The following MATR3 variants were observed in gnomAD, a reference collection of about 807,000 sequenced individuals.
MATR3 encodes matrin-3.
A neutral mutation model predicts 85.5 loss-of-function variants in MATR3; 4 were observed. The observed-to-expected ratio is 0.05, with a 90% confidence interval of 0.02 to 0.11. MATR3 has a LOEUF of 0.11. MATR3 is among the 10% of genes least tolerant of loss of function. The pLI, the probability that MATR3 is intolerant of heterozygous loss-of-function variation, is 1.00. For missense variants in MATR3, 685 were observed against 1,016.1 expected (o/e 0.67, Z 4.43); for synonymous variants, 336 against 343.1 (o/e 0.98, Z 0.23).
intron 5 of MATR3, among the ~76,000 whole-genome samples, chr5:139,316,740 G>C (rs1755264859): frequency 6.6e-6 from 1 of 152,062 alleles, no homozygotes; most frequent in Non-Finnish European, 1.5e-5. Context: ...GGTAGAGGCA[G>C]GGGTTTCGCG....
In MATR3 at chr5:139,324,290, GTTTTTTTTTT is replaced by G. The variant is rs767660135; in HGVS notation, c.2149-1139_2149-1130del. On this transcript the variant is annotated intron_variant, in intron 12 of 14. Coordinates refer to ENST00000394805, the MANE Select transcript of MATR3 (RefSeq NM_018834.6). ...GGCAGTCATTCTTCAGAGCATGATT[GTTTTTTTTTT>G]TTTTTTTTTTGGAGACGGAGTCTTG... is the stretch of plus-strand genomic sequence containing the variant. Among the ~76,000 whole-genome samples, 891 of 107,738 alleles carry G rather than the reference GTTTTTTTTTT, an allele frequency of 8.3e-3. 11 individuals carry two copies. The highest frequency in any genetic ancestry group is 0.029 in the African/African-American group (851 of 29,230). 70.7% of individuals were successfully genotyped at this position (107,738 alleles called of 152,430 possible).
intron 2 of MATR3, chr5:139,278,653 G>T (rs1486022179): frequency 2.7e-6 from 1 of 376,934 alleles, no homozygotes; most frequent in East Asian, 6.8e-5. Context: ...CCTGTTAAAG[G>T]GTTTGACAAC....
intron 9 of MATR3, among the ~76,000 whole-genome samples, chr5:139,320,032 G>C (rs540353042): frequency 3.6e-4 from 54 of 148,612 alleles, no homozygotes; most frequent in Non-Finnish European, 7.4e-4. Context: ...GAGTTAGCCA[G>C]TCGCAGTGGC....
intron 14 of MATR3, among the ~76,000 whole-genome samples, chr5:139,328,297 G>A (rs1755962436): frequency 2.6e-5 from 4 of 151,602 alleles, no homozygotes; most frequent in African/African-American, 7.3e-5. Flanking sequence ...TTTTGTTGTT[G>A]TTGTTTTTCT....
Position 139,315,462 on chromosome 5 carries a change from T to C in MATR3, c.975-235T>C, listed in dbSNP as rs1046938326. On this transcript the variant is annotated intron_variant, in intron 3 of 14. Transcript: ENST00000394805. The stretch of plus-strand genomic sequence containing the variant: ...TAACAAATAGAGGAAAAACTTAATT[T>C]CAACATTATCTGCATTTGCAAGCAA... 8 of 462,926 alleles carry C rather than the reference T, an allele frequency of 1.7e-5. No homozygotes were observed. The Admixed American group carries it at 3.1e-4, about 18-fold the overall frequency. 28.7% of individuals were successfully genotyped at this position (462,926 alleles called of 1,614,324 possible).
At chr5:139,314,944 A>T in intron 3 of MATR3, 2 of 514,088 alleles carry the variant, frequency 3.9e-6, no homozygotes, top group Non-Finnish European at 7.0e-6. Context: ...TTTGTTATTT[A>T]ACATTTCTAG....
chr5:139,290,526 C>T (rs997748686), upstream of MATR3, among the ~76,000 whole-genome samples: 7 of 142,836 alleles, frequency 4.9e-5, no homozygotes, highest in South Asian at 2.3e-4. Flanking sequence ...CAGGCTCAGT[C>T]GATCCTTCCA....
At chr5:139,316,319 C>CA (rs1289378632) in intron 5 of MATR3, 131 bp downstream of exon 5, 6 of 691,690 alleles carry the variant, frequency 8.7e-6, no homozygotes, top group Admixed American at 8.6e-5. Context: ...GATCTCGACT[C>CA]ACTGCAACCT....
upstream of MATR3, among the ~76,000 whole-genome samples, chr5:139,291,652 C>T (rs1395988780): frequency 6.6e-6 from 1 of 152,186 alleles, no homozygotes; most frequent in Non-Finnish European, 1.5e-5. Flanking sequence ...GATTCTCCTG[C>T]CTCAGCCTCT....
intron 3 of MATR3, among the ~76,000 whole-genome samples, chr5:139,284,575 T>C (rs1581204152): frequency 6.6e-6 from 1 of 151,744 alleles, no homozygotes; most frequent in South Asian, 2.1e-4. Context: ...GCCACTGCAC[T>C]CCAGCCTGGG....
At chr5:139,277,998 G>A (rs1474990045) in intron 2 of MATR3, among the ~76,000 whole-genome samples, 7 of 152,032 alleles carry the variant, frequency 4.6e-5, no homozygotes, top group Non-Finnish European at 8.8e-5. Context: ...GGGAGGCTGA[G>A]GTGGGAGGAT....
chr5:139,305,490 C>T (rs1263604386), intron 1 of MATR3, among the ~76,000 whole-genome samples: 1 of 152,152 alleles, frequency 6.6e-6, no homozygotes, highest in Non-Finnish European at 1.5e-5. Context: ...AACCCTGATA[C>T]TTCAACATTT....
Position 139,295,900 on chromosome 5 carries a change from A to G in MATR3, c.-178+2095A>G, listed in dbSNP as rs543686422. Among the ~76,000 whole-genome samples, 7 of 151,934 alleles carry G rather than the reference A, an allele frequency of 4.6e-5. No homozygotes were observed. The East Asian group carries it at 7.7e-4, about 17-fold the overall frequency. On this transcript the variant is annotated intron_variant, in intron 1 of 14. Transcript: ENST00000394805. ...GTATGATCAGTGGCTCACGGCTCAC[A>G]GCAGCCTCGACCTCCCAGGCTTAAG...
intron 2 of MATR3, chr5:139,311,133 A>G (rs1754949844): frequency 6.6e-6 from 1 of 152,100 alleles, no homozygotes; most frequent in Non-Finnish European, 1.5e-5. Context: ...AAGCTTTCTC[A>G]GCTTCCTTTC....
At chr5:139,314,568 T>C (rs971560368) in intron 2 of MATR3, 107 bp from the exon 3 acceptor site, 5 of 854,226 alleles carry the variant, frequency 5.9e-6, no homozygotes, top group African/African-American at 3.4e-5. Flanking sequence ...CAGGTGTTTG[T>C]ACAGCCTATG....
intron 14 of MATR3, among the ~76,000 whole-genome samples, chr5:139,328,125 G>A (rs1755952819): frequency 6.7e-6 from 1 of 150,244 alleles, no homozygotes; most frequent in Non-Finnish European, 1.5e-5. Context: ...GCCTCCCAAA[G>A]TGCTGGGATT....
chr5:139,329,976 C>T lies in MATR3; in HGVS notation c.*581C>T, dbSNP rs1432076579. Reference sequence around the variant, plus strand: ...GTAATAAGAAATATTAAGTAATTGGCTTTAGATTTTGTAATTTTTTTCCCT... The same window carrying T: ...GTAATAAGAAATATTAAGTAATTGGTTTTAGATTTTGTAATTTTTTTCCCT... On this transcript the variant is annotated 3_prime_UTR_variant, in exon 15 of 15. Transcript: ENST00000394805. 4.4e-6 allele frequency: 2 copies of T among 452,940 alleles called. No homozygotes were observed. Among genetic ancestry groups the T allele is most frequent in the East Asian group, 6.9e-5 (1 of 14,406 alleles). 28.1% of individuals were successfully genotyped at this position (452,940 alleles called of 1,614,324 possible).
chr5:139,308,931 C>G (rs998436766), intron 2 of MATR3, among the ~76,000 whole-genome samples: 14 of 152,034 alleles, frequency 9.2e-5, no homozygotes, highest in Non-Finnish European at 1.2e-4. Flanking sequence ...TCCTTTTCCA[C>G]AACTTTCTTA....
chr5:139,327,027 C>T (rs1417017145), intron 14 of MATR3, among the ~76,000 whole-genome samples: 1 of 152,144 alleles, frequency 6.6e-6, no homozygotes, highest in Non-Finnish European at 1.5e-5. Context: ...AGCATAAATA[C>T]ATAAACCACA....
Sources: allele counts gnomAD v4.1 joint callset (sites outside exome capture counted in the v4.1 genomes callset), GRCh38; gene constraint gnomAD v4.1.1; transcripts MANE v1.5; gene names NCBI Gene and HGNC (gene_info 2026-07-23, HGNC 2026-07-21).